EIF3I: variants seen among roughly 807,000 people sequenced by gnomAD.
EIF3I encodes the protein eukaryotic translation initiation factor 3 subunit I, also known as TGF-beta receptor-interacting protein 1.
EIF3I carries 20 observed loss-of-function variants against 43.3 expected under a neutral mutation model. The observed-to-expected ratio is 0.46, with a 90% CI of 0.32 to 0.67. EIF3I has a LOEUF of 0.67. Ranked by LOEUF, EIF3I falls within the 30% of genes least tolerant of loss-of-function variation. The pLI, the probability that EIF3I is intolerant of heterozygous loss-of-function variation, is 0.03. For synonymous variants in EIF3I, 167 were observed against 151.7 expected (o/e 1.10, Z -0.74); for missense variants, 279 against 421.4 (o/e 0.66, Z 2.96).
At chr1:32,224,036 C>T (rs957880767) in exon 3 of EIF3I, 17 of 1,613,978 alleles carry the variant, frequency 1.1e-5, no homozygotes, top group African/African-American at 4.0e-5. Context: ...TTTTCCAGAT[C>T]GTCAATGTAT....
intron 4 of EIF3I, among the ~76,000 whole-genome samples, chr1:32,225,040 G>T (rs1278419802): frequency 6.6e-6 from 1 of 152,104 alleles, no homozygotes; most frequent in African/African-American, 2.4e-5. Flanking sequence ...CACCATGTTG[G>T]CCAGACTGGT....
rs201980498 is a variant in EIF3I, at chr1:32,222,530, C to T, written c.4-8C>T. 190 of 1,614,082 alleles carry T rather than the reference C, an allele frequency of 1.2e-4. 1 individual carries two copies. In the African/African-American group the frequency reaches 2.1e-3, roughly 18 times the overall value. ...CCGAGCACTGACGTTACTGTCTTGT[C>T]CCCACAGAAGCCGATCCTACTGCAG... is the stretch of plus-strand genomic sequence containing the variant. On this transcript the variant is annotated splice_region_variant and splice_polypyrimidine_tract_variant and intron_variant, in intron 1 of 11. Coordinates refer to ENST00000676679, the Ensembl canonical transcript of EIF3I.
chr1:32,226,667 A>G, intron 6 of EIF3I, 137 bp downstream of exon 6: 1 of 966,584 alleles, frequency 1.0e-6, no homozygotes, highest in East Asian at 3.5e-5. Context: ...CCCTGGTTCA[A>G]GCAATTCCCC....
chr1:32,229,295 C>T, intron 9 of EIF3I, 87 bp downstream of exon 9: 2 of 1,422,732 alleles, frequency 1.4e-6, no homozygotes, highest in East Asian at 2.3e-5. Context: ...GAGTCTCGCT[C>T]TGTCGCCTAG....
chr1:32,223,851 T>C (rs1639088314), intron 2 of EIF3I, among the ~76,000 whole-genome samples, 183 bp from the exon 3 acceptor site: 1 of 152,202 alleles, frequency 6.6e-6, no homozygotes, highest in Non-Finnish European at 1.5e-5. Flanking sequence ...CTCTGTTGCT[T>C]CCCTTCAGGA....
chr1:32,231,113 A>G lies in EIF3I; in HGVS notation c.1008-2A>G. On this transcript the variant is annotated splice_acceptor_variant, in intron 11 of 11. Coordinates refer to ENST00000676679, the Ensembl canonical transcript of EIF3I. LOFTEE classifies it high-confidence loss of function. The stretch of plus-strand genomic sequence containing the variant: ...GACTGGTGCCTGGCTATCTTTTTCC[A>G]GCTACAGCAGCGGCGGCGAAGATGG... 6.2e-7 allele frequency: 1 copy of G among 1,614,114 alleles called. No homozygotes were observed. Among genetic ancestry groups the G allele is most frequent in the Non-Finnish European group, 8.5e-7 (1 of 1,180,012 alleles).
At chr1:32,222,915 A>G (rs774523833) in intron 2 of EIF3I, among the ~76,000 whole-genome samples, 27 of 152,112 alleles carry the variant, frequency 1.8e-4, no homozygotes, top group Non-Finnish European at 2.8e-4. Context: ...TGAGCAACGT[A>G]GTAAGACCCA....
Position 32,223,913 on chromosome 1 carries a change from A to C in EIF3I, c.97-121A>C, listed in dbSNP as rs1255490650. Reference sequence around the variant, plus strand: ...TTTTACCAGCTCCCTGCTGTTTCCCAAGAAATAAACAGAAGAGGGCAGAAT... The same window carrying C: ...TTTTACCAGCTCCCTGCTGTTTCCCCAGAAATAAACAGAAGAGGGCAGAAT... On this transcript the variant is annotated intron_variant, in intron 2 of 11. Coordinates refer to ENST00000676679, the Ensembl canonical transcript of EIF3I. 7.1e-6 allele frequency: 6 copies of C among 843,128 alleles called. No individual in the cohort carries two copies. In the Admixed American group the frequency reaches 1.3e-4, roughly 18 times the overall value. 52.2% of individuals were successfully genotyped at this position (843,128 alleles called of 1,614,324 possible). A position where few individuals can be genotyped will look rare whatever the true frequency, so the allele number is the denominator to read the frequency against.
At chr1:32,224,159 T>A in intron 3 of EIF3I, 38 bp downstream of exon 3, 1 of 1,605,950 alleles carries the variant, frequency 6.2e-7, no homozygotes, top group Non-Finnish European at 8.5e-7. Context: ...GTTGCTAGGG[T>A]CTGTCAGCGA....
intron 10 of EIF3I, 111 bp from the exon 10 acceptor site, chr1:32,230,816 T>C: frequency 1.3e-6 from 1 of 791,782 alleles, no homozygotes; most frequent in Non-Finnish European, 2.0e-6. Context: ...AGAGTAAGAC[T>C]CCATCTCAAA....
rs200360014 is a variant in EIF3I at position 32,229,101 on chromosome 1, A to G, written c.730-34A>G. ...AAAACACAAAATGGACTTGGTGTCC[A>G]TTGGTCCCATCTAGAGTTTCTTCTT... is the stretch of plus-strand genomic sequence containing the variant. On this transcript the variant is annotated intron_variant, in intron 8 of 11. Transcript: ENST00000676679. 409 of 1,596,050 alleles carry G rather than the reference A, an allele frequency of 2.6e-4. 2 individuals are homozygous for G. In the African/African-American group the frequency reaches 4.8e-3, roughly 19 times the overall value.
At chr1:32,222,595 G>A (rs1374345193) in exon 2 of EIF3I, 1 of 1,614,134 alleles carries the variant, frequency 6.2e-7, no homozygotes, top group Non-Finnish European at 8.5e-7. Flanking sequence ...GTATAACCGC[G>A]AAGGAGACCT....
In EIF3I at chr1:32,229,220, G is replaced by C; in HGVS notation, c.803+12G>C. ...AAGTTTGAGGCCAGGTAAAGAAGAA[G>C]AGAGCTCTTCCAAATTAAAATCTCA... On this transcript the variant is annotated intron_variant, in intron 9 of 11. Transcript: ENST00000676679. 1 of 1,610,698 alleles carries C rather than the reference G, an allele frequency of 6.2e-7. No individual in the cohort carries two copies. The highest frequency in any genetic ancestry group is 1.1e-5 in the South Asian group (1 of 90,508).
chr1:32,231,627 T>A (rs2124270578), downstream of EIF3I: 1 of 170,728 alleles, frequency 5.9e-6, no homozygotes, highest in Non-Finnish European at 1.3e-5. Flanking sequence ...TGTTTCATCA[T>A]TTTTCCTTTT....
At chr1:32,225,941 A>G (rs2124262259) in intron 4 of EIF3I, among the ~76,000 whole-genome samples, 1 of 152,222 alleles carries the variant, frequency 6.6e-6, no homozygotes, top group East Asian at 1.9e-4. Flanking sequence ...GAATGGCGTG[A>G]ACCCGGGAGG....
chr1:32,222,811 T>C (rs1228227694), intron 2 of EIF3I, among the ~76,000 whole-genome samples, 181 bp downstream of exon 2: 2 of 152,126 alleles, frequency 1.3e-5, no homozygotes, highest in Non-Finnish European at 2.9e-5. Context: ...GGAAGAACTC[T>C]ATTGGCCGAG....
intron 9 of EIF3I, among the ~76,000 whole-genome samples, chr1:32,229,865 C>G (rs528697554): frequency 6.6e-6 from 1 of 151,708 alleles, no homozygotes; most frequent in Non-Finnish European, 1.5e-5. Flanking sequence ...TTATATTTCT[C>G]TATGTCTAAA....
downstream of EIF3I, among the ~76,000 whole-genome samples, chr1:32,235,702 AC>A (rs1348290097): frequency 1.3e-5 from 2 of 152,174 alleles, no homozygotes; most frequent in African/African-American, 4.8e-5. Context: ...GGGAAGGGTC[AC>A]ATAGCCCTCT....
chr1:32,228,608 A>G (rs1224527338), exon 7 of EIF3I: 7 of 1,613,996 alleles, frequency 4.3e-6, no homozygotes, highest in Non-Finnish European at 5.9e-6. Flanking sequence ...AACACAGCCA[A>G]GGTGAGCCTG....
Sources: allele counts gnomAD v4.1 joint callset (sites outside exome capture counted in the v4.1 genomes callset), GRCh38; gene constraint gnomAD v4.1.1; transcripts MANE v1.5; gene names NCBI Gene and HGNC (gene_info 2026-07-23, HGNC 2026-07-21).